ZNF382: variants seen among roughly 807,000 people sequenced by gnomAD.
ZNF382 encodes the protein zinc finger protein 382, also known as KRAB/zinc finger suppressor protein 1.
In ZNF382, 20 loss-of-function variants were observed where a neutral mutation model predicts 38.8. That is an observed-to-expected ratio of 0.51 (90% CI 0.36 to 0.75). The LOEUF (loss-of-function observed/expected upper bound fraction) is 0.75. Ranked by LOEUF, ZNF382 falls within the 30% of genes least tolerant of loss-of-function variation. The pLI is 0.00. For synonymous variants in ZNF382, 202 were observed against 223.1 expected, an observed-to-expected ratio of 0.91 and a Z score of 0.84; for missense variants, 546 against 654.1, an observed-to-expected ratio of 0.83 and a Z score of 1.80.
intron 4 of ZNF382, among the ~76,000 whole-genome samples, chr19:36,624,993 A>C (rs1402629395): frequency 6.7e-6 from 1 of 150,144 alleles, no homozygotes; most frequent in African/African-American, 2.4e-5. Flanking sequence ...GCTTGAATCC[A>C]GGAGATCAAG....
chr19:36,611,763 C>T (rs994230597), intron 4 of ZNF382, among the ~76,000 whole-genome samples: 3 of 152,190 alleles, frequency 2.0e-5, no homozygotes, highest in Non-Finnish European at 2.9e-5. Flanking sequence ...TTCCCACCAA[C>T]AGTGTACAAG....
Position 36,627,653 on chromosome 19 carries a change from T to C in ZNF382, c.*103T>C, listed in dbSNP as rs1262295960. 1.3e-6 allele frequency: 1 copy of C among 754,022 alleles called. No individual in the cohort carries two copies. Among genetic ancestry groups the C allele is most frequent in the Non-Finnish European group, 2.1e-6 (1 of 467,056 alleles). The allele number at this position is 754,022 out of a possible 1,614,324, so 46.7% of individuals were successfully genotyped here. On this transcript the variant is annotated 3_prime_UTR_variant, in exon 5 of 5. Transcript: ENST00000292928. ...CAACAGTTTAAGGTACTATACCACA[T>C]GGTAACCTACTGTTTGCCAGCCTGT...
Position 36,629,242 on chromosome 19 carries a change from CT to C in ZNF382, c.*1696del, listed in dbSNP as rs1305582579. ...TCCCAAAGTGCTAGGATTACAGGGA[CT>C]TTTAACTCTGGGGAAAGCTCTCTTT... On this transcript the variant is annotated 3_prime_UTR_variant, in exon 5 of 5. Coordinates refer to ENST00000292928, the MANE Select transcript of ZNF382 (RefSeq NM_032825.5). The C allele has an allele frequency of 6.6e-6, 1 of 152,148 alleles. No individual in the cohort carries two copies. Among genetic ancestry groups the C allele is most frequent in the African/African-American group, 2.4e-5 (1 of 41,426 alleles). 9.4% of individuals were successfully genotyped at this position (152,148 alleles called of 1,614,324 possible).
At chr19:36,611,392 C>T (rs972737388) in intron 4 of ZNF382, among the ~76,000 whole-genome samples, 1 of 152,158 alleles carries the variant, frequency 6.6e-6, no homozygotes, top group African/African-American at 2.4e-5. Context: ...CTCTAGGTAC[C>T]TCTTGTAAGT....
At position 36,628,001 on chromosome 19, in the gene ZNF382, C is replaced by G. The variant is rs73929126; in HGVS notation, c.*451C>G. 6.9e-3 allele frequency: 1,082 copies of G among 157,300 alleles called. 12 individuals are homozygous for G. The highest frequency in any genetic ancestry group is 0.024 in the African/African-American group (1,006 of 41,568). 9.7% of individuals were successfully genotyped at this position (157,300 alleles called of 1,614,324 possible). On this transcript the variant is annotated 3_prime_UTR_variant, in exon 5 of 5. Coordinates refer to ENST00000292928, the MANE Select transcript of ZNF382 (RefSeq NM_032825.5). ...TAGTTGTTACCTCCTCACAGTTGAC[C>G]ATGATTCTGACTTCTAACATTACAA... is the stretch of plus-strand genomic sequence containing the variant.
At position 36,609,997 on chromosome 19, in the gene ZNF382, A is replaced by G; in HGVS notation, c.83A>G (p.Gln28Arg). 6.2e-7 allele frequency: 1 copy of G among 1,613,994 alleles called. No individual in the cohort carries two copies. The highest frequency in any genetic ancestry group is 8.5e-7 in the Non-Finnish European group (1 of 1,179,982). ...QEEWQQLDPA[Q>R]KALYRDVMLE... ...GAGTGGCAGCAACTAGACCCTGCTC[A>G]GAAGGCGCTTTACAGGGATGTGATG... Residue 28 changes from glutamine to arginine, a missense_variant, in exon 3 of 5, where the codon CAG (glutamine) becomes CGG (arginine). By Grantham distance (43) the Gln-to-Arg change is conservative. Coordinates refer to ENST00000292928, the MANE Select transcript of ZNF382 (RefSeq NM_032825.5).
In ZNF382 at chr19:36,627,565, T is replaced by C; in HGVS notation, c.*15T>C. On this transcript the variant is annotated 3_prime_UTR_variant, in exon 5 of 5. Transcript: ENST00000292928. Reference sequence around the variant, plus strand: ...GAATTCAGTAAGTAATGTGGCTTTTTTTGTAAAAAAATGTTAAGTCATAGT... The same window carrying C: ...GAATTCAGTAAGTAATGTGGCTTTTCTTGTAAAAAAATGTTAAGTCATAGT... The C allele has an allele frequency of 3.8e-6, 6 of 1,585,046 alleles. No individual in the cohort carries two copies. The highest frequency in any genetic ancestry group is 5.2e-6 in the Non-Finnish European group (6 of 1,159,678).
At position 36,628,680 on chromosome 19, in the gene ZNF382, A is replaced by G. The variant is rs2037234343; in HGVS notation, c.*1130A>G. On this transcript the variant is annotated 3_prime_UTR_variant, in exon 5 of 5. Transcript: ENST00000292928. ...CCCTTGTTCAACATCAGAGAATTCC[A>G]ACTAGAGAAAAGTCCTGTGACTGTG... The G allele has an allele frequency of 6.6e-6, 1 of 152,636 alleles. No individual in the cohort carries two copies. Among genetic ancestry groups the G allele is most frequent in the Non-Finnish European group, 1.5e-5 (1 of 68,054 alleles). The allele number at this position is 152,636 out of a possible 1,614,324, so 9.5% of individuals were successfully genotyped here.
chr19:36,612,884 C>T (rs540778626), intron 4 of ZNF382, among the ~76,000 whole-genome samples: 2 of 152,132 alleles, frequency 1.3e-5, no homozygotes, highest in Admixed American at 6.5e-5. Flanking sequence ...CTATGCCTCC[C>T]GGGTTCAAGC....
intron 1 of ZNF382, chr19:36,605,665 G>C (rs2037014789): frequency 6.6e-6 from 1 of 152,126 alleles, no homozygotes; most frequent in Admixed American, 6.5e-5. Flanking sequence ...CGGGCGCTGT[G>C]TGTTCGCGCG....
intron 4 of ZNF382, among the ~76,000 whole-genome samples, chr19:36,625,495 C>A (rs1435085802): frequency 1.3e-5 from 2 of 151,450 alleles, no homozygotes; most frequent in Non-Finnish European, 2.9e-5. Context: ...AGCTTTGAAT[C>A]TTCCATTCCA....
Position 36,627,298 on chromosome 19 carries a change from T to C in ZNF382, c.1401T>C (p.Asn467=), listed in dbSNP as rs1490663849. The change falls in exon 5 of 5, where the codon AAT becomes AAC. Residue 467 remains asparagine, a synonymous_variant. Coordinates refer to ENST00000292928, the MANE Select transcript of ZNF382 (RefSeq NM_032825.5). ...IHTGEKPYIC[N]ECGKSFRQKA... is the part of the protein sequence containing the mutation. ...CGGGGGAAAAACCCTATATTTGTAA[T>C]GAATGTGGGAAGTCCTTCCGCCAGA... is the stretch of plus-strand genomic sequence containing the variant. The C allele has an allele frequency of 6.2e-7, 1 of 1,605,340 alleles. No individual in the cohort carries two copies. Among genetic ancestry groups the C allele is most frequent in the Non-Finnish European group, 8.5e-7 (1 of 1,177,070 alleles).
rs376641731 is a variant in ZNF382 at position 36,614,880 on chromosome 19, C to CTTCCTTTCCTTTCCTTTCCT, written c.232+4155_232+4174dup. On this transcript the variant is annotated intron_variant, in intron 4 of 4. Coordinates refer to ENST00000292928, the MANE Select transcript of ZNF382 (RefSeq NM_032825.5). ...GAACCATTTCTTTCTTTCTTTCTTTCTTCCTTTCCTTTCCTTTCCTTTCCT... is the reference window on the plus strand; with the variant it reads ...GAACCATTTCTTTCTTTCTTTCTTTCTTCCTTTCCTTTCCTTTCCTTTCCTTTCCTTTCCTTTCCTTTCCT... Among the ~76,000 whole-genome samples, 94 of 89,882 alleles carry CTTCCTTTCCTTTCCTTTCCT rather than the reference C, an allele frequency of 1.0e-3. 2 individuals are homozygous for CTTCCTTTCCTTTCCTTTCCT. Among genetic ancestry groups the CTTCCTTTCCTTTCCTTTCCT allele is most frequent in the East Asian group, 1.6e-3 (6 of 3,688 alleles). The allele number at this position is 89,882 out of a possible 152,430, so 59.0% of individuals were successfully genotyped here. A position where few individuals can be genotyped will look rare whatever the true frequency, so the allele number is the denominator to read the frequency against.
chr19:36,619,966 C>T (rs553871019), intron 4 of ZNF382, among the ~76,000 whole-genome samples: 2 of 152,172 alleles, frequency 1.3e-5, no homozygotes, highest in Admixed American at 6.5e-5. Flanking sequence ...CTCCTGACCT[C>T]GAGATCTGCC....
intron 4 of ZNF382, among the ~76,000 whole-genome samples, chr19:36,613,544 G>C (rs150186060): frequency 6.6e-6 from 1 of 150,726 alleles, no homozygotes; most frequent in East Asian, 2.0e-4. Flanking sequence ...AGGTTCAAGC[G>C]ATTCTCCTGC....
Position 36,631,711 on chromosome 19 carries a change from A to T in ZNF382, c.*4161A>T, listed in dbSNP as rs1443765218. On this transcript the variant is annotated 3_prime_UTR_variant, in exon 5 of 5. Coordinates refer to ENST00000292928, the MANE Select transcript of ZNF382 (RefSeq NM_032825.5). ...GGTACTATAATCTTATGAGACCACC[A>T]TTATATATGCAGTCCATCATGGACC... is the stretch of plus-strand genomic sequence containing the variant. 1 of 152,136 alleles carries T rather than the reference A, an allele frequency of 6.6e-6. No homozygotes were observed. Among genetic ancestry groups the T allele is most frequent in the Non-Finnish European group, 1.5e-5 (1 of 68,048 alleles). 9.4% of individuals were successfully genotyped at this position (152,136 alleles called of 1,614,324 possible). A position where few individuals can be genotyped will look rare whatever the true frequency, so the allele number is the denominator to read the frequency against.
chr19:36,605,757 G>T (rs1052494934), intron 1 of ZNF382: 21 of 152,386 alleles, frequency 1.4e-4, no homozygotes, highest in African/African-American at 4.8e-4. Context: ...GGGATGTTGT[G>T]GCCGATTGTG....
intron 4 of ZNF382, among the ~76,000 whole-genome samples, chr19:36,621,908 C>T (rs1305218314): frequency 6.6e-6 from 1 of 152,074 alleles, no homozygotes; most frequent in African/African-American, 2.4e-5. Context: ...TCCATATATA[C>T]TTGCAAAATT....
rs1255303727 is a variant in ZNF382, at chr19:36,626,812, T to C, written c.915T>C (p.Phe305=). The C allele has an allele frequency of 6.2e-7, 1 of 1,614,110 alleles. No individual in the cohort carries two copies. Among genetic ancestry groups the C allele is most frequent in the African/African-American group, 1.3e-5 (1 of 74,944 alleles). ...PFHCPYCGNN[F]RRKSYLIEHQ... is the part of the protein sequence containing the mutation. ...ACTGTCCTTACTGTGGGAATAACTT[T>C]AGAAGGAAGTCATACCTCATTGAAC... The change falls in exon 5 of 5, where the codon TTT becomes TTC. Residue 305 remains phenylalanine (F), a synonymous_variant. Transcript: ENST00000292928.
Sources: gnomAD v4.1 joint callset for allele counts (sites outside exome capture counted in the v4.1 genomes callset) on GRCh38, gnomAD v4.1.1 for gene constraint, MANE v1.5 for transcripts, NCBI Gene and HGNC (gene_info 2026-07-23, HGNC 2026-07-21) for gene names.